The following CTSH variants were observed in gnomAD, a reference collection of about 807,000 sequenced individuals.
CTSH encodes cathepsin H.
Under a neutral mutation model 56.3 loss-of-function variants are expected in CTSH, and 52 were observed. The ratio of observed to expected loss-of-function variants is 0.92; its 90% confidence interval spans 0.74 to 1.16. The LOEUF (loss-of-function observed/expected upper bound fraction) is 1.16, where lower values mean the gene tolerates loss of function less well. Among genes scored for constraint, CTSH ranks in the 50% most tolerant of loss-of-function variants. The pLI, the probability that CTSH is intolerant of heterozygous loss-of-function variation, is 0.00. For missense variants in CTSH, 406 were observed against 424.5 expected, an observed-to-expected ratio of 0.96 and a Z score of 0.38; for synonymous variants, 174 against 155.7, an observed-to-expected ratio of 1.12 and a Z score of -0.88.
intron 2 of CTSH, chr15:78,937,685 C>T: frequency 7.2e-7 from 1 of 1,382,088 alleles, no homozygotes; most frequent in Middle Eastern, 2.4e-4. Flanking sequence ...GGTGAACAAA[C>T]CTGCCACATG....
intron 1 of CTSH, among the ~76,000 whole-genome samples, chr15:78,939,784 G>A (rs113452494): frequency 6.6e-6 from 1 of 152,168 alleles, no homozygotes; most frequent in South Asian, 2.1e-4. Flanking sequence ...CTACTCGGGA[G>A]GCTGAGGAGA....
chr15:78,936,401 C>T (rs1276954747), intron 3 of CTSH, among the ~76,000 whole-genome samples: 5 of 150,476 alleles, frequency 3.3e-5, no homozygotes, highest in East Asian at 2.0e-4. Flanking sequence ...AGGCTGGTCT[C>T]GAACTCCTGA....
In CTSH at chr15:78,927,705, GCACT is replaced by G; in HGVS notation, c.699+4_699+7del. 1 of 1,613,292 alleles carries G rather than the reference GCACT, an allele frequency of 6.2e-7. No individual in the cohort carries two copies. The highest frequency in any genetic ancestry group is 8.5e-7 in the Non-Finnish European group (1 of 1,179,320). On this transcript the variant is annotated splice_donor_5th_base_variant and intron_variant, in intron 9 of 11. Coordinates refer to ENST00000220166, the MANE Select transcript of CTSH (RefSeq NM_004390.5). The stretch of plus-strand genomic sequence containing the variant: ...CATTCCCCATCCCAGAGGGGGATCG[GCACT>G]CACGATTGTGATGTTGGCTACATCC...
chr15:78,929,804 G>C (rs374977857), intron 7 of CTSH, among the ~76,000 whole-genome samples: 1 of 152,170 alleles, frequency 6.6e-6, no homozygotes, highest in Non-Finnish European at 1.5e-5. Context: ...CACTGTCATC[G>C]CCACAGCCGA....
At position 78,922,195 on chromosome 15, in the gene CTSH, T is replaced by C. The variant is rs202044996; in HGVS notation, c.943A>G (p.Ile315Val). 180 of 1,578,418 alleles carry C rather than the reference T, an allele frequency of 1.1e-4. No individual in the cohort carries two copies. The highest frequency in any genetic ancestry group is 1.5e-4 in the Non-Finnish European group (176 of 1,162,676). ...PQWGMNGYFL[I>V]ERGKNMCGLA... is the part of the protein sequence containing the mutation. ...CCACACATGTTCTTTCCGCGCTCGA[T>C]GAGGAAGTACCTGGGCAGAAAGAGG... Residue 315 changes from isoleucine (I) to valine (V), a missense_variant, in exon 12 of 12, where the codon ATC becomes GTC. Ile to Val is a conservative substitution (Grantham distance 29). Transcript: ENST00000220166.
At chr15:78,944,576 C>T in intron 1 of CTSH, 1 of 292,456 alleles carries the variant, frequency 3.4e-6, no homozygotes, top group Non-Finnish European at 6.4e-6. Flanking sequence ...GTGTGACACT[C>T]TGTGTCCCCA....
chr15:78,941,563 C>T (rs575682562), intron 1 of CTSH, among the ~76,000 whole-genome samples: 1 of 151,742 alleles, frequency 6.6e-6, no homozygotes, highest in South Asian at 2.1e-4. Context: ...GAGGCTGAGA[C>T]GGGCGGATCA....
chr15:78,925,055 A>G (rs1296754560), intron 10 of CTSH, among the ~76,000 whole-genome samples: 1 of 152,040 alleles, frequency 6.6e-6, no homozygotes, highest in Non-Finnish European at 1.5e-5. Flanking sequence ...CAAAGCTCTC[A>G]AATTTTGGCC....
At chr15:78,935,608 G>A in intron 4 of CTSH, 72 bp downstream of exon 4, 4 of 1,340,144 alleles carry the variant, frequency 3.0e-6, no homozygotes, top group Non-Finnish European at 4.2e-6. Flanking sequence ...CCTAGAAGCA[G>A]AGCAGGCTCC....
chr15:78,937,864 G>A, intron 2 of CTSH: 9 of 1,205,442 alleles, frequency 7.5e-6, no homozygotes, highest in Non-Finnish European at 9.8e-6. Context: ...ATATATAACT[G>A]ATGTACTTTT....
intron 1 of CTSH, among the ~76,000 whole-genome samples, chr15:78,942,063 G>T (rs575330452): frequency 6.6e-6 from 1 of 152,222 alleles, no homozygotes; most frequent in African/African-American, 2.4e-5. Flanking sequence ...GTTTCTTATA[G>T]GTCAAAGGGC....
chr15:78,935,234 C>T (rs2055151468), intron 4 of CTSH, 152 bp from the exon 5 acceptor site: 3 of 624,568 alleles, frequency 4.8e-6, no homozygotes, highest in Non-Finnish European at 8.4e-6. Flanking sequence ...TCTACTGGTC[C>T]CAAGTGCTAA....
chr15:78,937,276 A>G, intron 3 of CTSH, 42 bp downstream of exon 3: 2 of 1,557,532 alleles, frequency 1.3e-6, no homozygotes, highest in Non-Finnish European at 1.8e-6. Context: ...CTGGGTCACT[A>G]ACTGACATCC....
chr15:78,928,195 G>A (rs974308786), intron 8 of CTSH, among the ~76,000 whole-genome samples: 7 of 152,128 alleles, frequency 4.6e-5, no homozygotes, highest in Admixed American at 4.6e-4. Context: ...AAGGCAGCAG[G>A]ACAAGGGACA....
intron 10 of CTSH, 40 bp from the exon 11 acceptor site, chr15:78,923,158 G>A: frequency 6.2e-7 from 1 of 1,609,370 alleles, no homozygotes; most frequent in Non-Finnish European, 8.5e-7. Context: ...CATATGGGAA[G>A]GATAAAAGCA....
At chr15:78,929,231 G>A (rs2054991188) in intron 8 of CTSH, among the ~76,000 whole-genome samples, 181 bp downstream of exon 8, 1 of 152,070 alleles carries the variant, frequency 6.6e-6, no homozygotes, top group Non-Finnish European at 1.5e-5. Context: ...CCCTGGACTG[G>A]TGAGAGCAGT....
rs200296647 is a variant in CTSH at position 78,939,204 on chromosome 15, G to A, written c.92-33C>T. On this transcript the variant is annotated intron_variant, in intron 1 of 11. Transcript: ENST00000220166. ...AAGAAAAAAAAAATTAGGTCTGGGC[G>A]CATCACAGTAATGTTGAGTCTATAG... is the stretch of plus-strand genomic sequence containing the variant. The A allele has an allele frequency of 1.5e-4, 233 of 1,561,178 alleles. 1 individual carries two copies. In the African/African-American group the frequency reaches 1.8e-3, roughly 12 times the overall value.
At chr15:78,926,671 A>G (rs2054909595) in intron 9 of CTSH, 1 of 152,244 alleles carries the variant, frequency 6.6e-6, no homozygotes, top group Non-Finnish European at 1.5e-5. Context: ...TTGTCAAGGC[A>G]ATGAGCCCTG....
Position 78,931,503 on chromosome 15 carries a change from C to G in CTSH, c.496G>C (p.Glu166Gln). 1 of 1,614,250 alleles carries G rather than the reference C, an allele frequency of 6.2e-7. No homozygotes were observed. The highest frequency in any genetic ancestry group is 8.5e-7 in the Non-Finnish European group (1 of 1,180,042). The change falls in exon 7 of 12, where the codon GAA becomes CAA. Residue 166 changes from glutamate to glutamine, a missense_variant. By Grantham distance (29) the Glu-to-Gln change is conservative. Coordinates refer to ENST00000220166, the MANE Select transcript of CTSH (RefSeq NM_004390.5). ...TGGGCGCAGTCCACCAGCTGCTGTT[C>G]CGCCTGGAAGAAGGACACAACCCAG... ...IATGKMLSLA[E>Q]QQLVDCAQDF...
Sources: gnomAD v4.1 joint callset for allele counts (sites outside exome capture counted in the v4.1 genomes callset) on GRCh38, gnomAD v4.1.1 for gene constraint, MANE v1.5 for transcripts, NCBI Gene and HGNC (gene_info 2026-07-23, HGNC 2026-07-21) for gene names.